USP34: variants seen among roughly 807,000 people sequenced by gnomAD.
The protein encoded by USP34 is ubiquitin specific peptidase 34, also known as ubiquitin carboxyl-terminal hydrolase 34.
Under a neutral mutation model 460.3 loss-of-function variants are expected in USP34, and 70 were observed. The observed-to-expected ratio is 0.15, with a 90% CI of 0.13 to 0.19. USP34 has a LOEUF of 0.19. USP34 is among the 10% of genes least tolerant of loss of function. The pLI is 1.00. For synonymous variants in USP34, 1,647 were observed against 1,405.3 expected, an observed-to-expected ratio of 1.17 and a Z score of -3.85; for missense variants, 3,985 against 4,236.2, an observed-to-expected ratio of 0.94 and a Z score of 1.65.
chr2:61,349,483 C>T (rs1224261767), intron 12 of USP34, among the ~76,000 whole-genome samples, 198 bp from the exon 13 acceptor site: 1 of 152,028 alleles, frequency 6.6e-6, no homozygotes, highest in Non-Finnish European at 1.5e-5. Flanking sequence ...TATATGTTGT[C>T]AGGAGACAAA....
At chr2:61,411,954 C>T (rs1694052511) in intron 2 of USP34, among the ~76,000 whole-genome samples, 1 of 152,018 alleles carries the variant, frequency 6.6e-6, no homozygotes, top group South Asian at 2.1e-4. Flanking sequence ...CTTTGGGAGG[C>T]TGAGGCGGGT....
At chr2:61,440,865 C>G (rs917166927) in intron 1 of USP34, among the ~76,000 whole-genome samples, 1 of 151,614 alleles carries the variant, frequency 6.6e-6, no homozygotes, top group Admixed American at 6.6e-5. Flanking sequence ...CAGTGGCTCA[C>G]GCCTGTAATC....
intron 53 of USP34, among the ~76,000 whole-genome samples, chr2:61,240,253 A>C (rs1688213827): frequency 1.4e-5 from 2 of 145,790 alleles, no homozygotes; most frequent in Admixed American, 1.4e-4. Context: ...ATGAAGCCTC[A>C]TAACTACAAA....
intron 29 of USP34, 33 bp downstream of exon 29, chr2:61,300,917 CA>C: frequency 6.7e-7 from 1 of 1,489,612 alleles, no homozygotes; most frequent in Non-Finnish European, 9.2e-7. Flanking sequence ...AACAGAGACA[CA>C]AAACAAGATT....
At chr2:61,373,882 C>CA (rs1159962099) in intron 8 of USP34, among the ~76,000 whole-genome samples, 2 of 152,090 alleles carry the variant, frequency 1.3e-5, no homozygotes, top group Non-Finnish European at 2.9e-5. Flanking sequence ...TGGCCAAGTA[C>CA]GGTGGCTCAC....
chr2:61,229,214 TAAAAC>T (rs920804341), intron 59 of USP34, among the ~76,000 whole-genome samples: 2 of 151,884 alleles, frequency 1.3e-5, no homozygotes, highest in African/African-American at 4.8e-5. Flanking sequence ...AAAATTTAAA[TAAAAC>T]AAAAACAGTT....
chr2:61,224,065 C>A (rs544277744), intron 62 of USP34, among the ~76,000 whole-genome samples: 4 of 152,116 alleles, frequency 2.6e-5, no homozygotes, highest in Middle Eastern at 3.2e-3. Context: ...ATTATTCATG[C>A]CTAAATGAAT....
chr2:61,295,104 C>T, intron 31 of USP34, 64 bp downstream of exon 31: 2 of 1,597,538 alleles, frequency 1.3e-6, no homozygotes, highest in South Asian at 1.1e-5. Context: ...AAAGACAATA[C>T]ATTATAGAAT....
At chr2:61,253,252 G>C (rs924396771) in intron 48 of USP34, among the ~76,000 whole-genome samples, 4 of 152,166 alleles carry the variant, frequency 2.6e-5, no homozygotes, top group African/African-American at 7.2e-5. Context: ...AATCTTATCA[G>C]TCAAAAGAAG....
In USP34 at chr2:61,188,665, C is replaced by T; in HGVS notation, c.10078G>A (p.Asp3360Asn). The T allele has an allele frequency of 1.2e-6, 2 of 1,614,102 alleles. No individual in the cohort carries two copies. The highest frequency in any genetic ancestry group is 1.7e-6 in the Non-Finnish European group (2 of 1,180,022). The change falls in exon 80 of 80, where the codon GAT becomes AAT. Residue 3360 changes from aspartate (D) to asparagine (N), a missense_variant. Physicochemically the swap from Asp to Asn is conservative, Grantham distance 23. Around this residue, in one of 14 missense-constraint regions of USP34, gnomAD observed 506 missense variants for 439.0 expected, o/e 1.15. Coordinates refer to ENST00000398571, the MANE Select transcript of USP34 (RefSeq NM_014709.4). ...CAGCTGTCTACAGTGTGCTCCTCAT[C>T]ACTGCTAACACGCCGCCTTTTAATG... ...TPIKRRRVSS[D>N]EEHTVDSCIS...
rs778490405 is a variant in USP34, at chr2:61,278,401, C to T, written c.5299G>A (p.Asp1767Asn). 1.1e-5 allele frequency: 18 copies of T among 1,606,002 alleles called. No individual in the cohort carries two copies. Among genetic ancestry groups the T allele is most frequent in the Non-Finnish European group, 1.5e-5 (18 of 1,177,356 alleles). The change falls in exon 40 of 80, where the codon GAC becomes AAC. Residue 1767 changes from aspartate to asparagine, a missense_variant. This residue lies in a region of USP34 where 1,114 missense variants were observed against 1,122.5 expected (regional missense o/e 0.99). Transcript: ENST00000398571. The stretch of plus-strand genomic sequence containing the variant: ...ATCAAATTTTACCTTCGAATACAGT[C>T]AGCCAAATGTCTTGCCAAGGCATCT... ...DLDALARHLA[D>N]CIRSREILDH...
chr2:61,367,194 G>A (rs1171142443), intron 10 of USP34, among the ~76,000 whole-genome samples: 1 of 152,202 alleles, frequency 6.6e-6, no homozygotes, highest in Non-Finnish European at 1.5e-5. Context: ...CATAGAAAGG[G>A]CTATTGCAGT....
At chr2:61,276,444 C>CTGTATTTATACAGTT (rs1689374730) in intron 41 of USP34, among the ~76,000 whole-genome samples, 1 of 152,002 alleles carries the variant, frequency 6.6e-6, no homozygotes, top group South Asian at 2.1e-4. Context: ...TCACAGAATA[C>CTGTATTTATACAGTT]TATTTATAAA....
At chr2:61,355,970 T>G (rs1692089292) in intron 10 of USP34, among the ~76,000 whole-genome samples, 1 of 151,966 alleles carries the variant, frequency 6.6e-6, no homozygotes, top group African/African-American at 2.4e-5. Context: ...TAACATCAAA[T>G]AAGATACAAT....
intron 48 of USP34, among the ~76,000 whole-genome samples, chr2:61,251,373 T>C (rs1688577488): frequency 6.6e-6 from 1 of 152,222 alleles, no homozygotes; most frequent in Non-Finnish European, 1.5e-5. Flanking sequence ...AAAATAAATA[T>C]TGTGGCCTTA....
intron 3 of USP34, among the ~76,000 whole-genome samples, chr2:61,405,067 G>GA (rs936385339): frequency 4.4e-4 from 66 of 151,374 alleles, no homozygotes; most frequent in African/African-American, 1.5e-3. Context: ...CTCTACTAAA[G>GA]AAAATTCTTT....
intron 15 of USP34, among the ~76,000 whole-genome samples, chr2:61,345,444 G>C (rs983780170): frequency 2.0e-5 from 3 of 152,142 alleles, no homozygotes; most frequent in Admixed American, 6.5e-5. Context: ...TGGAAGATCT[G>C]GCAAATTGTC....
intron 66 of USP34, 136 bp downstream of exon 66, chr2:61,221,364 CTT>C (rs1327006194): frequency 5.6e-6 from 4 of 718,372 alleles, no homozygotes; most frequent in Non-Finnish European, 9.1e-6. Context: ...GCTAGGAACT[CTT>C]TTCCTCCCCA....
At position 61,341,843 on chromosome 2, in the gene USP34, C is replaced by A. The variant is rs995304097; in HGVS notation, c.2500+1972G>T. Among the ~76,000 whole-genome samples the A allele has an allele frequency of 2.7e-5, 4 of 149,796 alleles. No individual in the cohort carries two copies. The Admixed American group carries it at 2.7e-4, about 10-fold the overall frequency. On this transcript the variant is annotated intron_variant, in intron 16 of 79. Coordinates refer to ENST00000398571, the MANE Select transcript of USP34 (RefSeq NM_014709.4). ...TGGTATGATCTTGGCTCACTGCAAC[C>A]TCCCCGCCTCTCAGGTTCAAGTGAT...
Sources: gnomAD v4.1 joint callset for allele counts (sites outside exome capture counted in the v4.1 genomes callset) on GRCh38, gnomAD v4.1.1 for gene constraint, gnomAD v4.1.1 regional missense constraint, MANE v1.5 for transcripts, NCBI Gene and HGNC (gene_info 2026-07-23, HGNC 2026-07-21) for gene names.